MCF2L2: variants seen among roughly 807,000 people sequenced by gnomAD.
MCF2L2 encodes the protein probable guanine nucleotide exchange factor MCF2L2.
A neutral mutation model predicts 150.2 loss-of-function variants in MCF2L2; 102 were observed. That is an observed-to-expected ratio of 0.68 (90% confidence interval 0.58 to 0.80). The LOEUF (loss-of-function observed/expected upper bound fraction) is 0.80, where lower values mean the gene tolerates loss of function less well. Ranked by LOEUF, MCF2L2 falls within the 30% of genes least tolerant of loss-of-function variation. The pLI is 0.00. For synonymous variants in MCF2L2, 465 were observed against 491.3 expected (o/e 0.95, Z 0.71); for missense variants, 1,256 against 1,372.8 (o/e 0.91, Z 1.34).
At chr3:183,348,592 C>G (rs1730991685) in intron 3 of MCF2L2, among the ~76,000 whole-genome samples, 1 of 151,834 alleles carries the variant, frequency 6.6e-6, no homozygotes, top group East Asian at 1.9e-4. Flanking sequence ...TTTAAAAAGG[C>G]AAGTAGAGAC....
chr3:183,224,301 G>C, intron 18 of MCF2L2, 111 bp from the exon 19 acceptor site: 1 of 694,312 alleles, frequency 1.4e-6, no homozygotes, highest in South Asian at 1.7e-5. Flanking sequence ...TAATGTGTAA[G>C]GAATTGGGGG....
intron 3 of MCF2L2, chr3:183,375,879 G>A (rs775864500): frequency 9.2e-5 from 14 of 152,156 alleles, no homozygotes; most frequent in African/African-American, 1.9e-4. Flanking sequence ...GTCATAAAAC[G>A]AACAAGGGTG....
rs558100377 is a variant in MCF2L2 at position 183,360,065 on chromosome 3, T to C, written c.276-18435A>G. 1.2e-4 allele frequency among the ~76,000 whole-genome samples: 18 copies of C among 152,314 alleles called. 1 individual carries two copies. In the South Asian group the frequency reaches 3.3e-3, roughly 28 times the overall value. ...ATCAAGCCGATTGTGATAATAGTGA[T>C]GGTAAAGACGATGCTGTTAACACTG... On this transcript the variant is annotated intron_variant, in intron 3 of 29. Transcript: ENST00000328913.
At chr3:183,399,465 A>G (rs960884525) in intron 1 of MCF2L2, among the ~76,000 whole-genome samples, 5 of 152,236 alleles carry the variant, frequency 3.3e-5, no homozygotes, top group East Asian at 1.9e-4. Context: ...GAGCATACCA[A>G]TAAGTGCATT....
chr3:183,189,209 C>T (rs1238655580), intron 27 of MCF2L2, among the ~76,000 whole-genome samples: 1 of 152,212 alleles, frequency 6.6e-6, no homozygotes, highest in Non-Finnish European at 1.5e-5. Context: ...TTCTCCATTT[C>T]CGAGCCCATG....
chr3:183,239,398 A>C (rs1245137904), intron 15 of MCF2L2, among the ~76,000 whole-genome samples: 6 of 152,116 alleles, frequency 3.9e-5, no homozygotes, highest in African/African-American at 9.7e-5. Flanking sequence ...TCCATTCTAC[A>C]TGACACCTCA....
intron 25 of MCF2L2, among the ~76,000 whole-genome samples, chr3:183,198,953 T>C (rs1313549504): frequency 1.3e-5 from 2 of 152,204 alleles, no homozygotes; most frequent in Non-Finnish European, 2.9e-5. Flanking sequence ...TTAATAGTTG[T>C]AAAACAAAAG....
chr3:183,250,240 T>G (rs920376727), intron 15 of MCF2L2, among the ~76,000 whole-genome samples: 5 of 152,172 alleles, frequency 3.3e-5, no homozygotes, highest in Admixed American at 6.5e-5. Context: ...AAGATTGATG[T>G]GACATACCCA....
intron 14 of MCF2L2, among the ~76,000 whole-genome samples, chr3:183,281,430 TA>T (rs1727474608): frequency 6.8e-6 from 1 of 146,202 alleles, no homozygotes; most frequent in Non-Finnish European, 1.5e-5. Context: ...GAATCTACCC[TA>T]GCAGCACATT....
At chr3:183,369,463 C>A (rs1418459224) in intron 3 of MCF2L2, among the ~76,000 whole-genome samples, 1 of 152,194 alleles carries the variant, frequency 6.6e-6, no homozygotes, top group Admixed American at 6.5e-5. Flanking sequence ...ACCCTCAGAT[C>A]ATGCTAATGC....
At chr3:183,319,412 C>A (rs1018018163) in intron 6 of MCF2L2, among the ~76,000 whole-genome samples, 2 of 152,230 alleles carry the variant, frequency 1.3e-5, no homozygotes, top group African/African-American at 2.4e-5. Flanking sequence ...CAGCTTCTCT[C>A]AAACTCCTGT....
At chr3:183,397,915 G>A (rs1245880087) in intron 1 of MCF2L2, among the ~76,000 whole-genome samples, 5 of 152,118 alleles carry the variant, frequency 3.3e-5, no homozygotes, top group Admixed American at 2.0e-4. Flanking sequence ...AGAATACTAC[G>A]GAGGCATTAA....
In MCF2L2 at chr3:183,180,124, A is replaced by G. The variant is rs1258556690; in HGVS notation, c.3052T>C (p.Phe1018Leu). The change falls in exon 28 of 30, where the codon TTT becomes CTT. Residue 1018 changes from phenylalanine (F) to leucine (L), a missense_variant. Phe to Leu is a conservative substitution (Grantham distance 22). Coordinates refer to ENST00000328913, the MANE Select transcript of MCF2L2 (RefSeq NM_015078.4). The stretch of plus-strand genomic sequence containing the variant: ...TCTTCTGCGCCTTCACAGTCTTCAA[A>G]GGTGTCCATGGAGCTAAACTCCCTG... ...SSREFSSMDT[F>L]EDCEGAEDME... The G allele has an allele frequency of 6.2e-7, 1 of 1,614,032 alleles. No homozygotes were observed. The highest frequency in any genetic ancestry group is 1.7e-5 in the Admixed American group (1 of 60,024).
chr3:183,278,295 G>A (rs1303682541), intron 14 of MCF2L2, among the ~76,000 whole-genome samples: 1 of 151,638 alleles, frequency 6.6e-6, no homozygotes, highest in Non-Finnish European at 1.5e-5. Flanking sequence ...GTGTGTGTGT[G>A]TGTGTGTGTG....
At chr3:183,188,610 G>C (rs958045800) in intron 27 of MCF2L2, among the ~76,000 whole-genome samples, 2 of 152,194 alleles carry the variant, frequency 1.3e-5, no homozygotes, top group African/African-American at 4.8e-5. Context: ...GCAGTGGTAA[G>C]ACTCTGTCCT....
At chr3:183,361,997 A>C (rs1399709550) in intron 3 of MCF2L2, among the ~76,000 whole-genome samples, 2 of 152,258 alleles carry the variant, frequency 1.3e-5, no homozygotes, top group African/African-American at 4.8e-5. Context: ...ATGTATGTGA[A>C]ATATAAGTCA....
intron 3 of MCF2L2, among the ~76,000 whole-genome samples, chr3:183,361,008 G>GAA (rs1177139363): frequency 9.0e-6 from 1 of 111,338 alleles, no homozygotes; most frequent in East Asian, 2.3e-4. Context: ...GAAAAGAAAA[G>GAA]AAAAGAAAAG....
intron 7 of MCF2L2, among the ~76,000 whole-genome samples, chr3:183,314,393 T>C (rs1729510499): frequency 1.3e-5 from 2 of 152,210 alleles, no homozygotes; most frequent in South Asian, 4.1e-4. Flanking sequence ...TGGTTTAATA[T>C]ACTGAAGGGC....
chr3:183,276,711 C>T, intron 15 of MCF2L2, 161 bp downstream of exon 15: 1 of 470,840 alleles, frequency 2.1e-6, no homozygotes. Flanking sequence ...TTGTGGGATC[C>T]ACAAATTTTG....
Sources: gnomAD v4.1 joint callset for allele counts (sites outside exome capture counted in the v4.1 genomes callset) on GRCh38, gnomAD v4.1.1 for gene constraint, MANE v1.5 for transcripts, NCBI Gene and HGNC (gene_info 2026-07-23, HGNC 2026-07-21) for gene names.